The following POM121C variants were observed in gnomAD, a reference collection of about 807,000 sequenced individuals.
POM121C encodes the protein nuclear envelope pore membrane protein POM 121C.
A neutral mutation model predicts 66.4 loss-of-function variants in POM121C; 20 were observed. That is an observed-to-expected ratio of 0.30 (90% CI 0.21 to 0.44). POM121C has a LOEUF of 0.44. Among genes scored for constraint, POM121C ranks in the 20% least tolerant of loss-of-function variants. POM121C has a pLI of 1.00. For synonymous variants in POM121C, 286 were observed against 528.0 expected (o/e 0.54, Z 6.28); for missense variants, 580 against 1,225.7 (o/e 0.47, Z 7.87).
intron 11 of POM121C, 61 bp from the exon 12 acceptor site, chr7:75,424,286 G>A: frequency 6.3e-7 from 1 of 1,585,842 alleles, no homozygotes; most frequent in South Asian, 1.1e-5. Context: ...CCACATGCCT[G>A]TCGGAGAGCA....
chr7:75,472,370 G>A (rs1321334840), intron 3 of POM121C, among the ~76,000 whole-genome samples: 13 of 151,274 alleles, frequency 8.6e-5, no homozygotes, highest in African/African-American at 2.2e-4. Context: ...AAAATAGGCC[G>A]GGCGTGATGG....
At chr7:75,470,824 G>A (rs35359011) in intron 3 of POM121C, among the ~76,000 whole-genome samples, 49 of 151,894 alleles carry the variant, frequency 3.2e-4, no homozygotes, top group Non-Finnish European at 6.5e-4. Flanking sequence ...TATAGAAATG[G>A]GGTCTCCCTA....
chr7:75,418,898 A>T lies in POM121C; in HGVS notation c.2867-5T>A, dbSNP rs1212537486. ...AAAATGAAGGGGCCGCCGATCCTGG[A>T]AAGATTCAACAAGACCTCATCAGGG... is the stretch of plus-strand genomic sequence containing the variant. On this transcript the variant is annotated splice_region_variant and splice_polypyrimidine_tract_variant and intron_variant, in intron 14 of 14. Transcript: ENST00000615331. 1.2e-6 allele frequency: 2 copies of T among 1,607,866 alleles called. No individual in the cohort carries two copies. The highest frequency in any genetic ancestry group is 4.5e-5 in the East Asian group (2 of 44,852).
At chr7:75,437,485 C>G (rs1554473157) in intron 7 of POM121C, 30 bp downstream of exon 7, 1 of 1,584,042 alleles carries the variant, frequency 6.3e-7, no homozygotes, top group Admixed American at 1.7e-5. Flanking sequence ...GGAATTCATG[C>G]CCCCCACATT....
At chr7:75,432,941 G>C (rs1790241444) in intron 7 of POM121C, among the ~76,000 whole-genome samples, 1 of 152,070 alleles carries the variant, frequency 6.6e-6, no homozygotes, top group African/African-American at 2.4e-5. Context: ...CTAACAATAA[G>C]AATGTACAGT....
At chr7:75,469,828 C>T (rs1255438166) in intron 3 of POM121C, among the ~76,000 whole-genome samples, 2 of 152,186 alleles carry the variant, frequency 1.3e-5, no homozygotes, top group African/African-American at 4.8e-5. Flanking sequence ...GCTGTCTCTC[C>T]ACCTCCTTCA....
At chr7:75,418,943 T>C in intron 14 of POM121C, 50 bp from the exon 15 acceptor site, 1 of 1,532,536 alleles carries the variant, frequency 6.5e-7, no homozygotes, top group Admixed American at 2.2e-5. Context: ...CCTGAGACTC[T>C]GGCTCTGGGT....
Position 75,424,592 on chromosome 7 carries a change from C to T in POM121C, c.805G>A (p.Glu269Lys), listed in dbSNP as rs372761915. Residue 269 changes from glutamate (E) to lysine (K), a missense_variant, in exon 11 of 15, where the codon GAG (glutamate) becomes AAG (lysine). Transcript: ENST00000615331. Reference protein sequence around the residue: ...PPQLGYSITAEDLDLEKKASL... With the variant: ...PPQLGYSITAKDLDLEKKASL... Reference sequence around the variant, plus strand: ...GCCTTCTTCTCTAAGTCTAGGTCCTCGGCAGTGATCGAATAGCCAAGCTGG... The same window carrying T: ...GCCTTCTTCTCTAAGTCTAGGTCCTTGGCAGTGATCGAATAGCCAAGCTGG... 14 of 1,613,970 alleles carry T rather than the reference C, an allele frequency of 8.7e-6. No homozygotes were observed. The highest frequency in any genetic ancestry group is 2.2e-5 in the South Asian group (2 of 91,080).
intron 1 of POM121C, among the ~76,000 whole-genome samples, chr7:75,476,319 G>A (rs751166646): frequency 6.7e-6 from 1 of 149,898 alleles, no homozygotes; most frequent in Non-Finnish European, 1.5e-5. Context: ...AAAATGCAAA[G>A]CTCCTGGGCT....
At chr7:75,463,232 C>T (rs1408418797) in intron 3 of POM121C, among the ~76,000 whole-genome samples, 24 of 152,072 alleles carry the variant, frequency 1.6e-4, no homozygotes, top group African/African-American at 5.8e-4. Flanking sequence ...GTAATCCCTG[C>T]TACTCAGGAT....
At position 75,417,633 on chromosome 7, in the gene POM121C, C is replaced by T. The variant is rs1554469988; in HGVS notation, c.*1163G>A. On this transcript the variant is annotated 3_prime_UTR_variant, in exon 15 of 15. Coordinates refer to ENST00000615331, the MANE Select transcript of POM121C (RefSeq NM_001099415.3). ...AATATGGTTCATTAATTTAGGTTTT[C>T]TAACATCTACTTTGGGTGACGTAGC... is the stretch of plus-strand genomic sequence containing the variant. 1 of 984,952 alleles carries T rather than the reference C, an allele frequency of 1.0e-6. No homozygotes were observed. Among genetic ancestry groups the T allele is most frequent in the African/African-American group, 1.7e-5 (1 of 57,196 alleles). 61.0% of individuals were successfully genotyped at this position (984,952 alleles called of 1,614,324 possible).
At chr7:75,482,976 T>G (rs1411963912) in intron 1 of POM121C, among the ~76,000 whole-genome samples, 1 of 152,054 alleles carries the variant, frequency 6.6e-6, no homozygotes, top group African/African-American at 2.4e-5. Context: ...GAAACAGAAA[T>G]GAGGAAATCT....
At chr7:75,444,915 C>G (rs202235961) in intron 3 of POM121C, among the ~76,000 whole-genome samples, 18,540 of 111,044 alleles carry the variant, frequency 0.17, 81 homozygotes, top group Middle Eastern at 0.32. Flanking sequence ...AGAGGTTGCA[C>G]TGAGCTGAGA....
chr7:75,431,781 T>A (rs1198572689), intron 7 of POM121C, among the ~76,000 whole-genome samples: 1 of 151,576 alleles, frequency 6.6e-6, no homozygotes, highest in Non-Finnish European at 1.5e-5. Context: ...TAAAACTCCA[T>A]CTCTATTAAA....
At chr7:75,476,282 C>A (rs1792071609) in intron 1 of POM121C, among the ~76,000 whole-genome samples, 1 of 139,972 alleles carries the variant, frequency 7.1e-6, no homozygotes, top group African/African-American at 2.5e-5. Context: ...CAGAGCGAGA[C>A]CTTGTCTCAA....
intron 3 of POM121C, among the ~76,000 whole-genome samples, chr7:75,453,860 G>T (rs1554476010): frequency 6.6e-6 from 1 of 152,036 alleles, no homozygotes; most frequent in Non-Finnish European, 1.5e-5. Flanking sequence ...GCTGATACTG[G>T]CTGTCAGCCA....
rs781956940 is a variant in POM121C, at chr7:75,439,328, C to A, written c.228-104G>T. The A allele has an allele frequency of 3.4e-6, 5 of 1,485,248 alleles. No homozygotes were observed. The South Asian group carries it at 3.5e-5, about 10-fold the overall frequency. The allele number at this position is 1,485,248 out of a possible 1,614,324, so 92.0% of individuals were successfully genotyped here. A position where few individuals can be genotyped will look rare whatever the true frequency, so the allele number is the denominator to read the frequency against. ...GACCTTATACTATCTCTATGGAGCA[C>A]AGATTCCATGCTAGACCAGAAAATG... On this transcript the variant is annotated intron_variant, in intron 5 of 14. Coordinates refer to ENST00000615331, the MANE Select transcript of POM121C (RefSeq NM_001099415.3).
chr7:75,437,496 A>G lies in POM121C; in HGVS notation c.480+19T>C. 1 of 1,595,776 alleles carries G rather than the reference A, an allele frequency of 6.3e-7. No homozygotes were observed. Among genetic ancestry groups the G allele is most frequent in the South Asian group, 1.1e-5 (1 of 90,198 alleles). ...GCTGGGAATTCATGCCCCCCACATTACAAGAGCTGTACTTGTACCTGTGAG... is the reference window on the plus strand; with the variant it reads ...GCTGGGAATTCATGCCCCCCACATTGCAAGAGCTGTACTTGTACCTGTGAG... On this transcript the variant is annotated intron_variant, in intron 7 of 14. Coordinates refer to ENST00000615331, the MANE Select transcript of POM121C (RefSeq NM_001099415.3).
intron 3 of POM121C, among the ~76,000 whole-genome samples, chr7:75,469,815 A>C (rs1791801506): frequency 6.6e-6 from 1 of 152,154 alleles, no homozygotes; most frequent in African/African-American, 2.4e-5. Context: ...GGAGGTAAGC[A>C]TGGCTGTCTC....
Sources: allele counts gnomAD v4.1 joint callset (sites outside exome capture counted in the v4.1 genomes callset), GRCh38; gene constraint gnomAD v4.1.1; transcripts MANE v1.5; gene names NCBI Gene and HGNC (gene_info 2026-07-23, HGNC 2026-07-21).